Variants in DPP10 observed in about 807,000 individuals in gnomAD.
DPP10 encodes the protein inactive dipeptidyl peptidase 10.
DPP10 carries 33 observed loss-of-function variants against 120.9 expected under a neutral mutation model. That is an observed-to-expected ratio of 0.27 (90% confidence interval 0.21 to 0.37). The LOEUF (loss-of-function observed/expected upper bound fraction) is 0.37, where lower values mean the gene tolerates loss of function less well. Among genes scored for constraint, DPP10 ranks in the 10% least tolerant of loss-of-function variants. DPP10 has a pLI of 1.00. For missense variants in DPP10, 816 were observed against 942.8 expected (o/e 0.87, Z 1.76); for synonymous variants, 337 against 326.1 (o/e 1.03, Z -0.36).
At chr2:114,651,370 G>T (rs986685962) in intron 1 of DPP10, among the ~76,000 whole-genome samples, 1 of 152,110 alleles carries the variant, frequency 6.6e-6, no homozygotes, top group African/African-American at 2.4e-5. Flanking sequence ...TTTTGCGTGA[G>T]TGGCAAGGAA....
At chr2:115,671,644 T>C (rs1015111196) in intron 5 of DPP10, among the ~76,000 whole-genome samples, 4 of 152,150 alleles carry the variant, frequency 2.6e-5, no homozygotes, top group African/African-American at 9.6e-5. Context: ...TAACTATAAT[T>C]GTAGCTTGCA....
chr2:115,207,416 CAAAAAAA>C (rs57462947), intron 1 of DPP10, among the ~76,000 whole-genome samples: 1,053 of 52,202 alleles, frequency 0.02, 11 homozygotes, highest in African/African-American at 0.041. Flanking sequence ...CTTACTGCAC[CAAAAAAA>C]AAAAAAAAAA....
chr2:115,794,741 T>C (rs769320111), intron 19 of DPP10, among the ~76,000 whole-genome samples: 1 of 152,144 alleles, frequency 6.6e-6, no homozygotes, highest in Non-Finnish European at 1.5e-5. Context: ...TTTAACATTA[T>C]AGGGAGCCCT....
chr2:114,692,448 CTGTT>C lies in DPP10; in HGVS notation c.60+249615_60+249618del, dbSNP rs769989192. Among the ~76,000 whole-genome samples the C allele has an allele frequency of 2.6e-5, 4 of 152,030 alleles. No homozygotes were observed. The East Asian group carries it at 5.8e-4, about 22-fold the overall frequency. On this transcript the variant is annotated intron_variant, in intron 1 of 25. Coordinates refer to ENST00000410059, the MANE Select transcript of DPP10 (RefSeq NM_020868.6). Reference sequence around the variant, plus strand: ...TTTGGTTGTGCTGCTGTCTAAGAGACTGTTTGTTATGATTTTAGTTCTTTTGCAT... The same window carrying C: ...TTTGGTTGTGCTGCTGTCTAAGAGACTGTTATGATTTTAGTTCTTTTGCAT...
chr2:115,429,248 T>G (rs1434277184), intron 3 of DPP10, among the ~76,000 whole-genome samples: 1 of 152,008 alleles, frequency 6.6e-6, no homozygotes. Context: ...AATTAAAAAT[T>G]GTATACGTGC....
chr2:115,278,309 A>G (rs2060000550), intron 1 of DPP10, among the ~76,000 whole-genome samples: 1 of 152,112 alleles, frequency 6.6e-6, no homozygotes. Context: ...AAGCTGTCCC[A>G]CTGTCCTTCT....
At chr2:115,586,281 C>G (rs779600989) in intron 5 of DPP10, among the ~76,000 whole-genome samples, 1 of 152,096 alleles carries the variant, frequency 6.6e-6, no homozygotes, top group Non-Finnish European at 1.5e-5. Flanking sequence ...GAGCTGAGAT[C>G]GTGCCATTGC....
intron 1 of DPP10, among the ~76,000 whole-genome samples, chr2:114,819,109 A>G (rs369714003): frequency 1.3e-5 from 2 of 152,054 alleles, no homozygotes; most frequent in South Asian, 4.1e-4. Context: ...CACAACTTTT[A>G]ATACCAAAGT....
chr2:114,585,947 C>T (rs1403929193), intron 1 of DPP10, among the ~76,000 whole-genome samples: 2 of 152,244 alleles, frequency 1.3e-5, no homozygotes, highest in East Asian at 3.9e-4. Flanking sequence ...GAATTCATAA[C>T]ATATAAACAT....
At position 114,890,413 on chromosome 2, in the gene DPP10, C is replaced by CA. The variant is rs1446386752; in HGVS notation, c.61-418819dup. On this transcript the variant is annotated intron_variant, in intron 1 of 25. Transcript: ENST00000410059. ...CTACCACCCACTAATCGCCTTTCCC[C>CA]AAAAAAATGAATAAGCAAAGGTCAA... 9.2e-4 allele frequency among the ~76,000 whole-genome samples: 139 copies of CA among 151,906 alleles called. 1 individual carries two copies. Among genetic ancestry groups the CA allele is most frequent in the Non-Finnish European group, 5.4e-4 (37 of 67,938 alleles).
chr2:114,900,748 G>A (rs960544296), intron 1 of DPP10, among the ~76,000 whole-genome samples: 14 of 151,892 alleles, frequency 9.2e-5, no homozygotes, highest in African/African-American at 3.1e-4. Flanking sequence ...CTTTTGAGAT[G>A]TGTTTAAGAC....
intron 1 of DPP10, among the ~76,000 whole-genome samples, chr2:114,838,046 G>T (rs1313884877): frequency 3.3e-5 from 5 of 152,206 alleles, no homozygotes; most frequent in Non-Finnish European, 7.3e-5. Context: ...TCTCCATCTT[G>T]TGGCTGTGCC....
chr2:114,443,345 A>T (rs2104513254), intron 1 of DPP10, among the ~76,000 whole-genome samples: 1 of 152,200 alleles, frequency 6.6e-6, no homozygotes, highest in South Asian at 2.1e-4. Flanking sequence ...GACTAGAGAG[A>T]GAGTATAAAA....
chr2:114,624,645 T>C (rs1694365227), intron 1 of DPP10, among the ~76,000 whole-genome samples: 1 of 151,960 alleles, frequency 6.6e-6, no homozygotes, highest in South Asian at 2.1e-4. Flanking sequence ...TCTATATATA[T>C]GGTGATAAGT....
At chr2:114,608,307 C>A (rs144760307) in intron 1 of DPP10, among the ~76,000 whole-genome samples, 172 of 152,116 alleles carry the variant, frequency 1.1e-3, no homozygotes, top group African/African-American at 3.8e-3. Flanking sequence ...CACTAACCCA[C>A]CAAGTACAGA....
chr2:115,628,569 G>A (rs956294382), intron 5 of DPP10, among the ~76,000 whole-genome samples: 1 of 152,016 alleles, frequency 6.6e-6, no homozygotes, highest in African/African-American at 2.4e-5. Context: ...TGTTTTGGCT[G>A]CTTTCATCAT....
At chr2:114,711,221 G>A (rs1701008292) in intron 1 of DPP10, among the ~76,000 whole-genome samples, 1 of 152,194 alleles carries the variant, frequency 6.6e-6, no homozygotes, top group African/African-American at 2.4e-5. Context: ...TTGTAGCAGA[G>A]GAGGTTCCTG....
chr2:115,587,513 C>A (rs2082373115), intron 5 of DPP10, among the ~76,000 whole-genome samples: 1 of 152,132 alleles, frequency 6.6e-6, no homozygotes, highest in South Asian at 2.1e-4. Context: ...AACGTAATAT[C>A]CTCCAGTTCA....
chr2:115,262,538 A>G (rs1237214532), intron 1 of DPP10, among the ~76,000 whole-genome samples: 2 of 152,148 alleles, frequency 1.3e-5, no homozygotes, highest in Admixed American at 6.5e-5. Flanking sequence ...GTACATCTAC[A>G]TATTAATATA....
Sources: gnomAD v4.1 joint callset for allele counts (sites outside exome capture counted in the v4.1 genomes callset) on GRCh38, gnomAD v4.1.1 for gene constraint, MANE v1.5 for transcripts, NCBI Gene and HGNC (gene_info 2026-07-23, HGNC 2026-07-21) for gene names.